Variants in CTSD observed in about 807,000 individuals in gnomAD.
CTSD encodes cathepsin D.
In CTSD, 28 loss-of-function variants were observed where a neutral mutation model predicts 43.6. That is an observed-to-expected ratio of 0.64 (90% CI 0.48 to 0.88). The LOEUF (loss-of-function observed/expected upper bound fraction) is 0.88. CTSD is among the 40% of genes least tolerant of loss of function. CTSD has a pLI of 0.00. For missense variants in CTSD, 485 were observed against 555.2 expected (o/e 0.87, Z 1.27); for synonymous variants, 270 against 249.8 (o/e 1.08, Z -0.76).
intron 1 of CTSD, chr11:1,761,691 G>A: frequency 1.7e-6 from 1 of 605,574 alleles, no homozygotes. Flanking sequence ...GTCCTAAGAA[G>A]TGGTCACCCG....
chr11:1,753,722 A>T, intron 8 of CTSD, 52 bp from the exon 9 acceptor site: 1 of 1,605,540 alleles, frequency 6.2e-7, no homozygotes, highest in Non-Finnish European at 8.5e-7. Context: ...CCGCCCCCCC[A>T]CCTGTTGCCC....
At chr11:1,754,636 GACAGA>G (rs1845786640) in intron 6 of CTSD, among the ~76,000 whole-genome samples, 2 of 147,784 alleles carry the variant, frequency 1.4e-5, no homozygotes, top group Non-Finnish European at 3.0e-5. Flanking sequence ...TGGAGGGATG[GACAGA>G]AGGGATGGTG....
chr11:1,758,908 G>A (rs1057380594), intron 4 of CTSD, 61 bp downstream of exon 4: 13 of 1,208,942 alleles, frequency 1.1e-5, no homozygotes, highest in African/African-American at 3.0e-5. Flanking sequence ...ACATACCCAC[G>A]GTGGGTGAAC....
chr11:1,757,119 C>T (rs922303961), intron 5 of CTSD, among the ~76,000 whole-genome samples: 2 of 152,238 alleles, frequency 1.3e-5, no homozygotes, highest in African/African-American at 2.4e-5. Context: ...AGACCCCGGC[C>T]AAACAGCTTT....
At chr11:1,760,377 C>T (rs984522429) in intron 2 of CTSD, 6 of 152,252 alleles carry the variant, frequency 3.9e-5, no homozygotes, top group African/African-American at 1.4e-4. Flanking sequence ...AGTTTGGGGT[C>T]GCCTGGGCGC....
At chr11:1,759,713 T>C (rs1472708524) in intron 2 of CTSD, 74 bp from the exon 3 acceptor site, 68 of 1,502,150 alleles carry the variant, frequency 4.5e-5, no homozygotes, top group Non-Finnish European at 6.0e-5. Flanking sequence ...AAGGCCCGGC[T>C]GTCCCCAGAG....
rs542594251 is a variant in CTSD at position 1,759,625 on chromosome 11, C to G, written c.243G>C (p.Gly81=). The change falls in exon 3 of 9, where the codon GGG becomes GGC. Residue 81 remains glycine, a synonymous_variant. Transcript: ENST00000236671. The part of the protein sequence containing the change: ...LKNYMDAQYY[G]EIGIGTPPQC... ...GGGGGGGCGTCCCGATGCCAATCTCCCCGTAGTACTGGGCCTGGCAGGGGA... is the reference window on the plus strand; with the variant it reads ...GGGGGGGCGTCCCGATGCCAATCTCGCCGTAGTACTGGGCCTGGCAGGGGA... The G allele has an allele frequency of 3.1e-6, 5 of 1,613,300 alleles. No individual in the cohort carries two copies. The South Asian group carries it at 4.4e-5, about 14-fold the overall frequency.
At chr11:1,755,338 G>GT in intron 5 of CTSD, 1 of 439,972 alleles carries the variant, frequency 2.3e-6, no homozygotes, top group Non-Finnish European at 4.3e-6. Flanking sequence ...AGACAAGGAA[G>GT]TGAGTGCCAG....
At position 1,761,485 on chromosome 11, in the gene CTSD, G is replaced by A. The variant is rs371858126; in HGVS notation, c.69-17C>T. 17 of 1,613,452 alleles carry A rather than the reference G, an allele frequency of 1.1e-5. No individual in the cohort carries two copies. The highest frequency in any genetic ancestry group is 9.3e-5 in the African/African-American group (7 of 74,904). ...AGCGGGATCCTGTCAACCACGGGTC[G>A]GGGCATATCAGGGAGGCCCTCCCGC... On this transcript the variant is annotated splice_polypyrimidine_tract_variant and intron_variant, in intron 1 of 8. Coordinates refer to ENST00000236671, the MANE Select transcript of CTSD (RefSeq NM_001909.5).
At chr11:1,760,455 A>G (rs1346720815) in intron 2 of CTSD, 3 of 152,198 alleles carry the variant, frequency 2.0e-5, no homozygotes, top group African/African-American at 4.8e-5. Context: ...GCCCAGCCCA[A>G]TGTTTCTCCA....
intron 8 of CTSD, 25 bp from the exon 9 acceptor site, chr11:1,753,695 C>A (rs1845756874): frequency 6.2e-7 from 1 of 1,612,054 alleles, no homozygotes. Flanking sequence ...GTGGTCAGTA[C>A]CCAGGCCTAG....
intron 1 of CTSD, chr11:1,761,916 C>T (rs994186470): frequency 7.6e-6 from 2 of 263,508 alleles, no homozygotes; most frequent in African/African-American, 4.4e-5. Flanking sequence ...GCCCACTGTA[C>T]CCAGCCCCCA....
chr11:1,754,137 C>A lies in CTSD; in HGVS notation c.829G>T (p.Val277Leu). The A allele has an allele frequency of 6.2e-7, 1 of 1,608,504 alleles. No individual in the cohort carries two copies. The highest frequency in any genetic ancestry group is 1.7e-5 in the Admixed American group (1 of 59,946). ...AGGGTCAGCCCGCTGGCCACCTCCA[C>A]CCTGCGGGGAGTCAGGGCGTGAAGC... ...KAYWQVHLDQVEVASGLTLCK... is the reference protein window; with the variant it reads ...KAYWQVHLDQLEVASGLTLCK... The change falls in exon 7 of 9, where the codon GTG becomes TTG. Residue 277 changes from valine (V) to leucine (L), a missense_variant and splice_region_variant. By Grantham distance (32) the Val-to-Leu change is conservative. Coordinates refer to ENST00000236671, the MANE Select transcript of CTSD (RefSeq NM_001909.5).
chr11:1,758,159 C>G (rs911032538), intron 4 of CTSD: 3 of 184,836 alleles, frequency 1.6e-5, no homozygotes, highest in African/African-American at 7.1e-5. Flanking sequence ...AGGGTCCAGA[C>G]AGGAGGGCTC....
chr11:1,754,763 C>T (rs563148106), intron 6 of CTSD, 143 bp downstream of exon 6: 191 of 1,051,210 alleles, frequency 1.8e-4, no homozygotes, highest in Middle Eastern at 8.9e-4. Context: ...GCATGGAGGG[C>T]TGGTCTGACC....
chr11:1,757,244 AGGG>A, intron 5 of CTSD, 77 bp downstream of exon 5: 1 of 1,155,954 alleles, frequency 8.7e-7, no homozygotes, highest in Non-Finnish European at 1.3e-6. Flanking sequence ...CAGCACTGAG[AGGG>A]GGTGCCTAGA....
At chr11:1,758,179 C>T (rs551724547) in intron 4 of CTSD, 40 of 177,012 alleles carry the variant, frequency 2.3e-4, no homozygotes, top group Non-Finnish European at 3.9e-4. Context: ...CTGAGGAGCC[C>T]CCAGTACAGA....
Position 1,753,069 on chromosome 11 carries a change from G to A in CTSD, c.*434C>T, listed in dbSNP as rs1845746509. ...CCAGCTGGGCCCAAGCTGGGCAGAG[G>A]GGCCCTCAGGCAGGGCAGGTTTCCA... is the stretch of plus-strand genomic sequence containing the variant. On this transcript the variant is annotated 3_prime_UTR_variant, in exon 9 of 9. Coordinates refer to ENST00000236671, the MANE Select transcript of CTSD (RefSeq NM_001909.5). 2 of 306,108 alleles carry A rather than the reference G, an allele frequency of 6.5e-6. No individual in the cohort carries two copies. Among genetic ancestry groups the A allele is most frequent in the Admixed American group, 9.4e-5 (2 of 21,192 alleles). 19.0% of individuals were successfully genotyped at this position (306,108 alleles called of 1,614,324 possible). A position where few individuals can be genotyped will look rare whatever the true frequency, so the allele number is the denominator to read the frequency against.
At chr11:1,757,222 G>T in intron 5 of CTSD, 102 bp downstream of exon 5, 1 of 987,096 alleles carries the variant, frequency 1.0e-6, no homozygotes, top group Non-Finnish European at 1.6e-6. Context: ...TGGCACAGCA[G>T]CAGGGAGGGG....
Sources: allele counts gnomAD v4.1 joint callset (sites outside exome capture counted in the v4.1 genomes callset), GRCh38; gene constraint gnomAD v4.1.1; transcripts MANE v1.5; gene names NCBI Gene and HGNC (gene_info 2026-07-23, HGNC 2026-07-21).